The following ERI3 variants were observed in gnomAD, a reference collection of about 807,000 sequenced individuals.
ERI3 encodes ERI1 exoribonuclease 3.
ERI3 carries 18 observed loss-of-function variants against 44.4 expected under a neutral mutation model. The observed-to-expected ratio is 0.41, with a 90% CI of 0.28 to 0.60. The LOEUF is 0.60. Among genes scored for constraint, ERI3 ranks in the 20% least tolerant of loss-of-function variants. The pLI is 0.36. For missense variants in ERI3, 294 were observed against 435.5 expected (o/e 0.68, Z 2.89); for synonymous variants, 183 against 164.8 (o/e 1.11, Z -0.84).
intron 7 of ERI3, among the ~76,000 whole-genome samples, chr1:44,265,830 T>C (rs1225796554): frequency 6.6e-6 from 1 of 152,106 alleles, no homozygotes; most frequent in African/African-American, 2.4e-5. Context: ...TAGGCAAATT[T>C]ATAGAGATGG....
At position 44,319,723 on chromosome 1, in the gene ERI3, G is replaced by A; in HGVS notation, c.511C>T (p.Leu171=). 1 of 1,613,970 alleles carries A rather than the reference G, an allele frequency of 6.2e-7. No individual in the cohort carries two copies. The highest frequency in any genetic ancestry group is 8.5e-7 in the Non-Finnish European group (1 of 1,179,822). The change falls in exon 4 of 9, where the codon CTA becomes TTA. Residue 171 remains leucine (L), a synonymous_variant. Transcript: ENST00000372257. ...TCCATGGTCCGGCCATTTAGCTTTA[G>A]GATGGGGAACTCGATGATTTCCTGG... The part of the protein sequence containing the change: ...HPQEIIEFPI[L]KLNGRTMEIE...
chr1:44,298,396 G>A (rs990013232), intron 6 of ERI3, among the ~76,000 whole-genome samples: 1 of 152,166 alleles, frequency 6.6e-6, no homozygotes, highest in Non-Finnish European at 1.5e-5. Context: ...ATTGGGACAA[G>A]CTGATGGGCA....
intron 7 of ERI3, among the ~76,000 whole-genome samples, chr1:44,261,825 T>G (rs937216810): frequency 6.6e-6 from 1 of 152,240 alleles, no homozygotes; most frequent in African/African-American, 2.4e-5. Context: ...GGAACCCACC[T>G]GGCCCTTGGC....
At position 44,232,747 on chromosome 1, in the gene ERI3, T is replaced by A. The variant is rs913065035; in HGVS notation, c.932-11107A>T. Among the ~76,000 whole-genome samples the A allele has an allele frequency of 3.3e-5, 5 of 152,330 alleles. No individual in the cohort carries two copies. The South Asian group carries it at 1.0e-3, about 32-fold the overall frequency. The stretch of plus-strand genomic sequence containing the variant: ...TTCCTGCAAGTCCCAGACAACACAT[T>A]TCCTTTTGTTTCACCGGCCAGAGCT... On this transcript the variant is annotated intron_variant, in intron 8 of 8. Transcript: ENST00000372257.
chr1:44,330,628 C>A (rs552069358), intron 3 of ERI3, among the ~76,000 whole-genome samples: 3 of 152,330 alleles, frequency 2.0e-5, no homozygotes, highest in South Asian at 2.1e-4. Flanking sequence ...CTGCTGCAGA[C>A]CTGCCAGCCT....
intron 7 of ERI3, among the ~76,000 whole-genome samples, chr1:44,263,298 G>A (rs775487854): frequency 3.2e-4 from 49 of 152,198 alleles, no homozygotes; most frequent in Non-Finnish European, 2.9e-4. Context: ...AAGCAAGAAG[G>A]AGATTGTACA....
At chr1:44,299,354 T>A (rs1466091023) in intron 6 of ERI3, among the ~76,000 whole-genome samples, 1 of 146,504 alleles carries the variant, frequency 6.8e-6, no homozygotes, top group African/African-American at 2.5e-5. Context: ...GGTTATTTTT[T>A]ATTTTTATTT....
intron 2 of ERI3, among the ~76,000 whole-genome samples, chr1:44,348,629 A>T (rs893320739): frequency 6.6e-6 from 1 of 152,236 alleles, no homozygotes. Flanking sequence ...TCTGCTTCCC[A>T]ACAGTTCTGG....
intron 2 of ERI3, among the ~76,000 whole-genome samples, chr1:44,342,850 T>A (rs1209008452): frequency 8.6e-5 from 3 of 34,868 alleles, no homozygotes; most frequent in African/African-American, 4.2e-4. Flanking sequence ...TATATATATA[T>A]ATATATATTT....
intron 3 of ERI3, among the ~76,000 whole-genome samples, chr1:44,326,094 G>A (rs764376466): frequency 6.6e-6 from 1 of 152,226 alleles, no homozygotes; most frequent in Non-Finnish European, 1.5e-5. Context: ...CTAGGAAGAA[G>A]GAACTGGCTT....
intron 7 of ERI3, among the ~76,000 whole-genome samples, chr1:44,248,844 G>C (rs1380102020): frequency 6.6e-6 from 1 of 151,954 alleles, no homozygotes; most frequent in East Asian, 1.9e-4. Flanking sequence ...AGTGCTGGGG[G>C]CATCGATCTG....
intron 3 of ERI3, among the ~76,000 whole-genome samples, chr1:44,322,051 A>C (rs1045563628): frequency 2.5e-4 from 38 of 152,344 alleles, no homozygotes; most frequent in African/African-American, 8.2e-4. Flanking sequence ...TATGGCTTAA[A>C]GTTGATCTCT....
intron 6 of ERI3, among the ~76,000 whole-genome samples, chr1:44,305,008 G>A (rs1645804118): frequency 6.6e-6 from 1 of 152,138 alleles, no homozygotes; most frequent in Admixed American, 6.5e-5. Context: ...GCAGGCCCCT[G>A]GCCCCTATTC....
intron 6 of ERI3, among the ~76,000 whole-genome samples, chr1:44,287,430 C>T (rs948301729): frequency 1.3e-5 from 2 of 152,210 alleles, no homozygotes; most frequent in Non-Finnish European, 2.9e-5. Context: ...GAAAATTGAT[C>T]CCTTTGTTTC....
At chr1:44,310,779 G>A (rs1164932546) in intron 5 of ERI3, among the ~76,000 whole-genome samples, 3 of 151,996 alleles carry the variant, frequency 2.0e-5, no homozygotes, top group Admixed American at 1.3e-4. Context: ...GAATATCAGA[G>A]CTGCTCCCCG....
chr1:44,246,607 T>C (rs1320987292), intron 8 of ERI3, among the ~76,000 whole-genome samples: 2 of 152,092 alleles, frequency 1.3e-5, no homozygotes, highest in Non-Finnish European at 2.9e-5. Context: ...TATCACTACC[T>C]CTTAGTGAGA....
chr1:44,251,094 C>T (rs79456461), intron 7 of ERI3, among the ~76,000 whole-genome samples: 6 of 152,344 alleles, frequency 3.9e-5, no homozygotes, highest in Admixed American at 6.5e-5. Flanking sequence ...AGCCAACAGA[C>T]GCAGATAGCT....
At chr1:44,239,576 C>CAGGG (rs1462646009) in intron 8 of ERI3, among the ~76,000 whole-genome samples, 1 of 152,210 alleles carries the variant, frequency 6.6e-6, no homozygotes, top group Admixed American at 6.5e-5. Context: ...GCAAGAGGGG[C>CAGGG]AGGGTTACCC....
chr1:44,352,271 T>C (rs1415244243), intron 2 of ERI3, among the ~76,000 whole-genome samples: 1 of 152,132 alleles, frequency 6.6e-6, no homozygotes, highest in Non-Finnish European at 1.5e-5. Context: ...CCCAAAGGCC[T>C]TGGTCAAATA....
Sources: gnomAD v4.1 joint callset for allele counts (sites outside exome capture counted in the v4.1 genomes callset) on GRCh38, gnomAD v4.1.1 for gene constraint, MANE v1.5 for transcripts, NCBI Gene and HGNC (gene_info 2026-07-23, HGNC 2026-07-21) for gene names.